The following PCCB variants were observed in gnomAD, a reference collection of about 807,000 sequenced individuals.
The protein encoded by PCCB is propionyl-CoA carboxylase beta chain, mitochondrial.
A neutral mutation model predicts 60.7 loss-of-function variants in PCCB; 43 were observed. The observed-to-expected ratio is 0.71, with a 90% CI of 0.55 to 0.91. PCCB has a LOEUF of 0.91. Ranked by LOEUF, PCCB falls within the 40% of genes least tolerant of loss-of-function variation. The probability of loss-of-function intolerance (pLI) is 0.00; values close to 1 mark genes in which losing one functional copy is unlikely to be tolerated. For synonymous variants in PCCB, 276 were observed against 255.9 expected (o/e 1.08, Z -0.75); for missense variants, 766 against 702.8 (o/e 1.09, Z -1.02).
chr3:136,274,105 G>C (rs1341484595), intron 5 of PCCB, among the ~76,000 whole-genome samples: 1 of 151,592 alleles, frequency 6.6e-6, no homozygotes, highest in Non-Finnish European at 1.5e-5. Flanking sequence ...GTATCTAAGT[G>C]GATCATTTAG....
At position 136,315,220 on chromosome 3, in the gene PCCB, G is replaced by C. The variant is rs1230555685; in HGVS notation, c.967-1721G>C. Among the ~76,000 whole-genome samples, 6 of 152,284 alleles carry C rather than the reference G, an allele frequency of 3.9e-5. No individual in the cohort carries two copies. The South Asian group carries it at 1.2e-3, about 32-fold the overall frequency. ...TATAAAGGATACTATTGGAACAATT[G>C]GCAAACTTGAATAATGTCATATAAT... On this transcript the variant is annotated intron_variant, in intron 9 of 14. Coordinates refer to ENST00000251654, the MANE Select transcript of PCCB (RefSeq NM_000532.5).
intron 1 of PCCB, among the ~76,000 whole-genome samples, chr3:136,254,238 A>T (rs1027402792): frequency 2.2e-4 from 34 of 151,190 alleles, no homozygotes; most frequent in Admixed American, 2.2e-3. Flanking sequence ...TTGTTTTTTG[A>T]GACAGTGTCT....
chr3:136,255,525 A>G, intron 1 of PCCB: 1 of 354,470 alleles, frequency 2.8e-6, no homozygotes, highest in Non-Finnish European at 5.4e-6. Context: ...ATGGCTCCTT[A>G]GGTCTCCAGT....
intron 7 of PCCB, among the ~76,000 whole-genome samples, chr3:136,295,662 AG>A (rs1360435175): frequency 6.6e-6 from 1 of 152,218 alleles, no homozygotes; most frequent in Non-Finnish European, 1.5e-5. Flanking sequence ...ATATGTTTGT[AG>A]TACAAAACTT....
At chr3:136,312,453 CTT>C (rs1420621310) in intron 9 of PCCB, among the ~76,000 whole-genome samples, 1 of 152,200 alleles carries the variant, frequency 6.6e-6, no homozygotes, top group African/African-American at 2.4e-5. Context: ...ACCAGAACCT[CTT>C]TGTGTAGTGC....
intron 5 of PCCB, among the ~76,000 whole-genome samples, chr3:136,276,030 CAA>C: frequency 6.6e-6 from 1 of 152,150 alleles, no homozygotes; most frequent in East Asian, 1.9e-4. Context: ...CTTGGCCTCC[CAA>C]AGTGTTGGGA....
At chr3:136,256,924 G>T (rs1224938777) in intron 3 of PCCB, among the ~76,000 whole-genome samples, 1 of 152,150 alleles carries the variant, frequency 6.6e-6, no homozygotes, top group Non-Finnish European at 1.5e-5. Flanking sequence ...TGCCTGTAGG[G>T]CATCTGTGTC....
chr3:136,299,820 GTA>G (rs1934156824), intron 8 of PCCB, among the ~76,000 whole-genome samples: 2 of 148,640 alleles, frequency 1.3e-5, no homozygotes, highest in Admixed American at 6.6e-5. Flanking sequence ...GTATGCATGT[GTA>G]TGTATGTATA....
intron 10 of PCCB, chr3:136,326,461 T>A: frequency 1.4e-6 from 1 of 698,544 alleles, no homozygotes; most frequent in Non-Finnish European, 2.6e-6. Flanking sequence ...CAGAATCTGA[T>A]TGGAAGCTCT....
intron 3 of PCCB, among the ~76,000 whole-genome samples, chr3:136,259,015 C>G (rs1422885547): frequency 6.6e-6 from 1 of 152,084 alleles, no homozygotes; most frequent in Non-Finnish European, 1.5e-5. Context: ...CTTATTCTCA[C>G]AGCTGATTCT....
chr3:136,268,831 G>A (rs1280736833), intron 5 of PCCB, among the ~76,000 whole-genome samples: 2 of 152,168 alleles, frequency 1.3e-5, no homozygotes, highest in East Asian at 1.9e-4. Context: ...GTCTGTAGAT[G>A]AATTTGGTGA....
rs112543296 is a variant in PCCB, at chr3:136,305,155, C to T, written c.966+4044C>T. On this transcript the variant is annotated intron_variant, in intron 9 of 14. Coordinates refer to ENST00000251654, the MANE Select transcript of PCCB (RefSeq NM_000532.5). ...TGTTGCCCAGGCCAGTGTGCAGTGG[C>T]GAGATCACGGCTCATTGCAACTTCC... Among the ~76,000 whole-genome samples the T allele has an allele frequency of 0.016, 1,975 of 120,196 alleles. 355 individuals are homozygous for T. In the East Asian group the frequency reaches 0.25, roughly 15 times the overall value. 78.9% of individuals were successfully genotyped at this position (120,196 alleles called of 152,430 possible). A position where few individuals can be genotyped will look rare whatever the true frequency, so the allele number is the denominator to read the frequency against.
chr3:136,254,618 C>T (rs748589824), intron 1 of PCCB, among the ~76,000 whole-genome samples: 6 of 147,882 alleles, frequency 4.1e-5, no homozygotes, highest in African/African-American at 1.5e-4. Flanking sequence ...CCACAACCTC[C>T]GCTTCCCAGG....
chr3:136,251,319 G>A (rs765143489), intron 1 of PCCB: 1 of 456,664 alleles, frequency 2.2e-6, no homozygotes, highest in South Asian at 1.5e-5. Flanking sequence ...AACCAGGCTT[G>A]CCCAGTGTGT....
chr3:136,304,627 T>C (rs34511849), intron 9 of PCCB, among the ~76,000 whole-genome samples: 17,409 of 117,778 alleles, frequency 0.15, 5,515 homozygotes, highest in Admixed American at 0.24. Flanking sequence ...CCTCGTGATC[T>C]GCCCGCCTTG....
At chr3:136,327,988 TGA>T (rs1935393784) in intron 13 of PCCB, among the ~76,000 whole-genome samples, 1 of 151,954 alleles carries the variant, frequency 6.6e-6, no homozygotes, top group Non-Finnish European at 1.5e-5. Context: ...GAAAGGAAAG[TGA>T]GAGGGGTCCA....
At chr3:136,262,963 T>G (rs1941866865) in intron 5 of PCCB, among the ~76,000 whole-genome samples, 1 of 150,152 alleles carries the variant, frequency 6.7e-6, no homozygotes, top group South Asian at 2.1e-4. Flanking sequence ...GGTTTTTTTT[T>G]TTTTTTTTTG....
intron 9 of PCCB, among the ~76,000 whole-genome samples, chr3:136,305,799 G>A (rs1171768619): frequency 8.4e-6 from 1 of 118,572 alleles, no homozygotes; most frequent in African/African-American, 2.5e-5. Context: ...AAGAGTCAAA[G>A]CAGTGACTTT....
intron 6 of PCCB, among the ~76,000 whole-genome samples, chr3:136,290,970 C>A (rs1456810794): frequency 6.6e-6 from 1 of 151,812 alleles, no homozygotes; most frequent in Admixed American, 6.6e-5. Flanking sequence ...GAGATTCTTT[C>A]CTCAAGCATG....
Sources: gnomAD v4.1 joint callset for allele counts (sites outside exome capture counted in the v4.1 genomes callset) on GRCh38, gnomAD v4.1.1 for gene constraint, MANE v1.5 for transcripts, NCBI Gene and HGNC (gene_info 2026-07-23, HGNC 2026-07-21) for gene names.